Variants in LRRC7 observed in about 807,000 individuals in gnomAD.
The protein encoded by LRRC7 is leucine-rich repeat-containing protein 7.
A neutral mutation model predicts 175.7 loss-of-function variants in LRRC7; 23 were observed. The observed-to-expected ratio is 0.13, with a 90% CI of 0.09 to 0.19. The LOEUF (loss-of-function observed/expected upper bound fraction) is 0.19, where lower values mean the gene tolerates loss of function less well. Among genes scored for constraint, LRRC7 ranks in the 10% least tolerant of loss-of-function variants. LRRC7 has a pLI of 1.00. For synonymous variants in LRRC7, 685 were observed against 680.9 expected (o/e 1.01, Z -0.09); for missense variants, 1,354 against 1,904.7 (o/e 0.71, Z 5.38).
At chr1:69,667,601 G>A (rs566172886) in intron 1 of LRRC7, among the ~76,000 whole-genome samples, 2 of 152,140 alleles carry the variant, frequency 1.3e-5, no homozygotes, top group East Asian at 1.9e-4. Context: ...AATATATTTT[G>A]TCTGATTTAA....
intron 4 of LRRC7, among the ~76,000 whole-genome samples, chr1:69,802,508 G>C (rs1390119967): frequency 6.6e-6 from 1 of 151,212 alleles, no homozygotes; most frequent in Non-Finnish European, 1.5e-5. Context: ...ATTAAAGTCT[G>C]TTTTATCTGA....
At chr1:69,797,047 C>T (rs1675873036) in intron 4 of LRRC7, among the ~76,000 whole-genome samples, 1 of 152,098 alleles carries the variant, frequency 6.6e-6, no homozygotes, top group African/African-American at 2.4e-5. Flanking sequence ...ACTACTAGCA[C>T]AATACCCAGT....
intron 2 of LRRC7, among the ~76,000 whole-genome samples, chr1:69,730,278 T>G (rs571697688): frequency 6.6e-6 from 1 of 152,358 alleles, no homozygotes; most frequent in East Asian, 1.9e-4. Flanking sequence ...ATTTCTGCAG[T>G]GGGCTTGAAT....
intron 3 of LRRC7, among the ~76,000 whole-genome samples, chr1:69,781,149 C>A (rs538133864): frequency 7.9e-5 from 12 of 152,080 alleles, no homozygotes; most frequent in African/African-American, 2.4e-4. Context: ...CTTTGCTAAC[C>A]CAAAGTGCTA....
intron 16 of LRRC7, among the ~76,000 whole-genome samples, chr1:70,022,060 T>C (rs1009248705): frequency 6.6e-5 from 10 of 152,286 alleles, no homozygotes; most frequent in Admixed American, 4.6e-4. Flanking sequence ...AATCAGCACA[T>C]GAGCACTTAC....
chr1:69,989,036 C>T (rs1654193637), intron 10 of LRRC7, among the ~76,000 whole-genome samples: 1 of 152,020 alleles, frequency 6.6e-6, no homozygotes, highest in African/African-American at 2.4e-5. Flanking sequence ...ATGTATAGAA[C>T]ATCAAATAGA....
At chr1:69,965,572 A>C (rs946567572) in intron 8 of LRRC7, among the ~76,000 whole-genome samples, 17 of 152,196 alleles carry the variant, frequency 1.1e-4, no homozygotes, top group African/African-American at 4.1e-4. Flanking sequence ...AAATATAAAA[A>C]ATTTTTTTCC....
At chr1:69,888,159 CCT>C (rs1342879363) in intron 7 of LRRC7, among the ~76,000 whole-genome samples, 4 of 150,134 alleles carry the variant, frequency 2.7e-5, no homozygotes, top group Admixed American at 6.6e-5. Context: ...GTTTGAGCTT[CCT>C]GGCTGCTTTG....
At chr1:69,817,596 T>C (rs1189879066) in intron 4 of LRRC7, among the ~76,000 whole-genome samples, 1 of 152,128 alleles carries the variant, frequency 6.6e-6, no homozygotes, top group African/African-American at 2.4e-5. Flanking sequence ...TGCTCAAAAT[T>C]ACTTTAGCTA....
intron 2 of LRRC7, among the ~76,000 whole-genome samples, chr1:69,729,243 A>C (rs1667301763): frequency 6.6e-6 from 1 of 152,034 alleles, no homozygotes; most frequent in African/African-American, 2.4e-5. Context: ...CCTCTTCCAA[A>C]TCTCGTGTCC....
At chr1:69,750,209 T>C (rs1368906744) in intron 2 of LRRC7, among the ~76,000 whole-genome samples, 2 of 151,952 alleles carry the variant, frequency 1.3e-5, no homozygotes, top group East Asian at 1.9e-4. Flanking sequence ...GGTTGGTTAA[T>C]GGGTAAAAAA....
At position 70,143,072 on chromosome 1, in the gene LRRC7, C is replaced by A. The variant is rs890695226; in HGVS notation, c.*21185C>A. On this transcript the variant is annotated 3_prime_UTR_variant, in exon 27 of 27. Coordinates refer to ENST00000651989, the MANE Select transcript of LRRC7 (RefSeq NM_001370785.2). ...TGCCAAACACACACACATAAATTTT[C>A]TTTTTCTCATTTCAGCTCATATAAT... 3 of 151,830 alleles carry A rather than the reference C, an allele frequency of 2.0e-5. No individual in the cohort carries two copies. Among genetic ancestry groups the A allele is most frequent in the African/African-American group, 7.3e-5 (3 of 41,338 alleles). 9.4% of individuals were successfully genotyped at this position (151,830 alleles called of 1,614,324 possible).
At chr1:70,062,519 CT>C in intron 23 of LRRC7, among the ~76,000 whole-genome samples, 1 of 152,100 alleles carries the variant, frequency 6.6e-6, no homozygotes, top group Non-Finnish European at 1.5e-5. Flanking sequence ...TACTGTCCCC[CT>C]AACTGCAAAT....
At chr1:69,801,860 T>C (rs1676543912) in intron 4 of LRRC7, among the ~76,000 whole-genome samples, 1 of 151,442 alleles carries the variant, frequency 6.6e-6, no homozygotes, top group African/African-American at 2.4e-5. Flanking sequence ...TACTATAAAC[T>C]TCCCTCCCTC....
chr1:70,064,346 C>T (rs1333627274), intron 23 of LRRC7, among the ~76,000 whole-genome samples: 1 of 151,942 alleles, frequency 6.6e-6, no homozygotes, highest in South Asian at 2.1e-4. Flanking sequence ...ACAGTAGGCA[C>T]TGTACTAAGA....
intron 2 of LRRC7, among the ~76,000 whole-genome samples, chr1:69,741,518 A>G (rs1434355426): frequency 6.6e-6 from 1 of 152,046 alleles, no homozygotes; most frequent in Admixed American, 6.6e-5. Flanking sequence ...ACTAGAGGCC[A>G]GACCACCAAA....
intron 7 of LRRC7, among the ~76,000 whole-genome samples, chr1:69,850,958 G>A (rs1019138353): frequency 2.0e-5 from 3 of 152,034 alleles, no homozygotes; most frequent in African/African-American, 7.2e-5. Flanking sequence ...GAGATGAGGA[G>A]CCAGATTTGA....
intron 4 of LRRC7, among the ~76,000 whole-genome samples, chr1:69,807,076 T>C (rs1339564042): frequency 6.6e-6 from 1 of 152,100 alleles, no homozygotes; most frequent in Non-Finnish European, 1.5e-5. Flanking sequence ...CTTTTGATCT[T>C]TGTTGGTTTA....
At chr1:69,812,254 A>G (rs947799484) in intron 4 of LRRC7, among the ~76,000 whole-genome samples, 4 of 152,084 alleles carry the variant, frequency 2.6e-5, no homozygotes, top group African/African-American at 9.7e-5. Flanking sequence ...TTATATCCCA[A>G]CGTAGTTTAA....
Sources: gnomAD v4.1 joint callset for allele counts (sites outside exome capture counted in the v4.1 genomes callset) on GRCh38, gnomAD v4.1.1 for gene constraint, MANE v1.5 for transcripts, NCBI Gene and HGNC (gene_info 2026-07-23, HGNC 2026-07-21) for gene names.